The following ZMYM2 variants were observed in gnomAD, a reference collection of about 807,000 sequenced individuals.
ZMYM2 encodes the protein zinc finger MYM-type protein 2.
ZMYM2 carries 56 observed loss-of-function variants against 162.8 expected under a neutral mutation model. The observed-to-expected ratio is 0.34, with a 90% CI of 0.28 to 0.43. The LOEUF (loss-of-function observed/expected upper bound fraction) is 0.43, where lower values mean the gene tolerates loss of function less well. ZMYM2 is among the 20% of genes least tolerant of loss of function. The probability of loss-of-function intolerance (pLI) is 1.00; values close to 1 mark genes in which losing one functional copy is unlikely to be tolerated. For synonymous variants in ZMYM2, 510 were observed against 541.6 expected, an observed-to-expected ratio of 0.94 and a Z score of 0.81; for missense variants, 1,275 against 1,621.8, an observed-to-expected ratio of 0.79 and a Z score of 3.67.
At chr13:19,894,469 C>T in the ZMYM2 span, among the ~76,000 whole-genome samples, 1 of 151,742 alleles carries the variant, frequency 6.6e-6, no homozygotes, top group East Asian at 1.9e-4. Context: ...CCTCAACCTC[C>T]CAAGTAGCTG....
At chr13:20,059,419 G>C (rs1448269625) in intron 15 of ZMYM2, 28 bp from the exon 16 acceptor site, 3 of 1,610,180 alleles carry the variant, frequency 1.9e-6, no homozygotes, top group Non-Finnish European at 2.5e-6. Context: ...AGTTAACATT[G>C]CTCCTTAAAT....
At chr13:19,904,382 C>T in the ZMYM2 span, among the ~76,000 whole-genome samples, 2 of 151,408 alleles carry the variant, frequency 1.3e-5, no homozygotes, top group African/African-American at 4.9e-5. Context: ...CATGGTGAAA[C>T]TCCGTCTCTA....
At chr13:20,015,023 A>G (rs1050375775) in intron 6 of ZMYM2, among the ~76,000 whole-genome samples, 1 of 151,894 alleles carries the variant, frequency 6.6e-6, no homozygotes, top group Admixed American at 6.6e-5. Context: ...AGCCTTCCAA[A>G]GTGCTGGGAT....
intron 22 of ZMYM2, 73 bp downstream of exon 22, chr13:20,082,203 ATAT>A (rs1957957280): frequency 9.0e-7 from 1 of 1,113,856 alleles, no homozygotes; most frequent in East Asian, 2.8e-5. Context: ...ATGTTTGAAA[ATAT>A]TATAATTAAG....
At chr13:19,910,613 C>T in the ZMYM2 span, among the ~76,000 whole-genome samples, 1 of 151,054 alleles carries the variant, frequency 6.6e-6, no homozygotes, top group South Asian at 2.1e-4. Context: ...GGAACTTCCT[C>T]CTCCCGGGCG....
chr13:19,999,283 C>G (rs1302472364), intron 3 of ZMYM2, among the ~76,000 whole-genome samples: 1 of 152,086 alleles, frequency 6.6e-6, no homozygotes, highest in Admixed American at 6.5e-5. Flanking sequence ...AACATTGAGC[C>G]GAGTAAGTCT....
chr13:19,981,876 G>C (rs992960609), intron 2 of ZMYM2, among the ~76,000 whole-genome samples: 3 of 151,864 alleles, frequency 2.0e-5, no homozygotes, highest in Non-Finnish European at 4.4e-5. Context: ...AAGCTGTGTG[G>C]ACACTCTAAG....
rs1447173194 is a variant in ZMYM2 at position 20,061,164 on chromosome 13, C to G, written c.2851C>G (p.Leu951Val). 6.2e-7 allele frequency: 1 copy of G among 1,613,676 alleles called. No homozygotes were observed. Among genetic ancestry groups the G allele is most frequent in the Admixed American group, 1.7e-5 (1 of 59,990 alleles). ...VSSDALDTEL[L>V]TMTDMMSEDE... Reference sequence around the variant, plus strand: ...TTCAGATGCTCTTGATACAGAGTTGCTTACAATGACGGATATGATGAGTGA... The same window carrying G: ...TTCAGATGCTCTTGATACAGAGTTGGTTACAATGACGGATATGATGAGTGA... Residue 951 changes from leucine (L) to valine (V), a missense_variant, in exon 17 of 25, where the codon CTT becomes GTT. Leu to Val is a conservative substitution (Grantham distance 32). Around this residue, in one of 10 missense-constraint regions of ZMYM2, gnomAD observed 229 missense variants for 283.8 expected, o/e 0.81. Transcript: ENST00000610343.
intron 3 of ZMYM2, among the ~76,000 whole-genome samples, chr13:19,999,284 GAGTA>G (rs1950228274): frequency 1.3e-5 from 2 of 152,144 alleles, no homozygotes; most frequent in Non-Finnish European, 2.9e-5. Flanking sequence ...ACATTGAGCC[GAGTA>G]AGTCTTTTGG....
At chr13:20,025,245 C>T (rs1594429723) in intron 7 of ZMYM2, 3 of 200,372 alleles carry the variant, frequency 1.5e-5, no homozygotes, top group Admixed American at 6.0e-5. Flanking sequence ...GGTATGAAGA[C>T]GGATTTAATT....
chr13:19,884,594 G>A, the ZMYM2 span, among the ~76,000 whole-genome samples: 2 of 151,920 alleles, frequency 1.3e-5, no homozygotes, highest in Non-Finnish European at 2.9e-5. Context: ...AAAAAGCCGT[G>A]GTCCTCACGG....
chr13:20,066,403 A>G (rs1012700044), intron 19 of ZMYM2, among the ~76,000 whole-genome samples: 15 of 152,146 alleles, frequency 9.9e-5, no homozygotes, highest in South Asian at 4.1e-4. Context: ...TTGACTCCCT[A>G]AAAAGCTAAC....
intron 2 of ZMYM2, among the ~76,000 whole-genome samples, chr13:19,972,442 G>A (rs1479434861): frequency 6.6e-6 from 1 of 151,826 alleles, no homozygotes; most frequent in African/African-American, 2.4e-5. Flanking sequence ...TTAAAAACAT[G>A]TATAGTATAA....
chr13:19,936,976 T>G, the ZMYM2 span, among the ~76,000 whole-genome samples: 3 of 152,110 alleles, frequency 2.0e-5, no homozygotes, highest in Non-Finnish European at 2.9e-5. Context: ...TTGGAGAATG[T>G]TATTAACATT....
chr13:19,954,455 A>C (rs1954475788), upstream of ZMYM2, among the ~76,000 whole-genome samples: 2 of 152,070 alleles, frequency 1.3e-5, no homozygotes, highest in Admixed American at 1.3e-4. Flanking sequence ...AAGAGTTAAA[A>C]TTTAAGAATG....
chr13:19,964,439 GT>G (rs939932835), intron 2 of ZMYM2, among the ~76,000 whole-genome samples: 3 of 152,048 alleles, frequency 2.0e-5, no homozygotes, highest in African/African-American at 7.2e-5. Flanking sequence ...TAATAGGTCG[GT>G]TTTTTGTAGA....
At chr13:20,018,473 C>G (rs948608886) in intron 6 of ZMYM2, among the ~76,000 whole-genome samples, 2 of 152,116 alleles carry the variant, frequency 1.3e-5, no homozygotes, top group Non-Finnish European at 2.9e-5. Flanking sequence ...GTATCATAAT[C>G]CTTCCTTACT....
At chr13:20,044,250 C>T (rs1954551041) in intron 12 of ZMYM2, among the ~76,000 whole-genome samples, 2 of 152,226 alleles carry the variant, frequency 1.3e-5, no homozygotes, top group African/African-American at 4.8e-5. Flanking sequence ...GCAGCTTTCC[C>T]TGCCAACTCA....
Position 20,026,676 on chromosome 13 carries a change from A to G in ZMYM2, c.1649A>G (p.Gln550Arg). Residue 550 changes from glutamine (Q) to arginine (R), a missense_variant, in exon 8 of 25, where the codon CAG (glutamine) becomes CGG (arginine). Gln to Arg is a conservative substitution (Grantham distance 43). Coordinates refer to ENST00000610343, the MANE Select transcript of ZMYM2 (RefSeq NM_197968.4). ...RTQCRFFDMT[Q>R]CIGPNGYMEP... ...CAGTGCAGGTTTTTTGATATGACTC[A>G]GTGTATAGGTCCTAATGGATATATG... 2 of 1,610,882 alleles carry G rather than the reference A, an allele frequency of 1.2e-6. No individual in the cohort carries two copies. Among genetic ancestry groups the G allele is most frequent in the Non-Finnish European group, 1.7e-6 (2 of 1,179,198 alleles).
Sources: allele counts gnomAD v4.1 joint callset (sites outside exome capture counted in the v4.1 genomes callset), GRCh38; gene constraint gnomAD v4.1.1; regional missense constraint gnomAD v4.1.1; transcripts MANE v1.5; gene names NCBI Gene and HGNC (gene_info 2026-07-23, HGNC 2026-07-21).